The following GRIP1 variants were observed in gnomAD, a reference collection of about 807,000 sequenced individuals.
GRIP1 encodes glutamate receptor-interacting protein 1.
GRIP1 carries 45 observed loss-of-function variants against 129.9 expected under a neutral mutation model. That is an observed-to-expected ratio of 0.35 (90% CI 0.27 to 0.44). GRIP1 has a LOEUF of 0.44. GRIP1 is among the 20% of genes least tolerant of loss of function. The pLI, the probability that GRIP1 is intolerant of heterozygous loss-of-function variation, is 1.00. For missense variants in GRIP1, 1,196 were observed against 1,396.8 expected (o/e 0.86, Z 2.29); for synonymous variants, 530 against 520.8 (o/e 1.02, Z -0.24).
Position 66,706,064 on chromosome 12 carries a change from T to C in GRIP1, c.-419-75728A>G, listed in dbSNP as rs148984847. On this transcript the variant is annotated intron_variant, in intron 1 of 4. Coordinates refer to the GRIP1 transcript ENST00000538373. ...GCCAAAATTGGCAAGTGGGATCTAA[T>C]TAAACCAAAGAGCTTCTGCACAGCA... is the stretch of plus-strand genomic sequence containing the variant. 6.2e-4 allele frequency among the ~76,000 whole-genome samples: 94 copies of C among 152,248 alleles called. 1 individual carries two copies. The East Asian group carries it at 0.017, about 28-fold the overall frequency.
upstream of GRIP1, among the ~76,000 whole-genome samples, chr12:66,681,572 G>C (rs972396944): frequency 3.9e-5 from 6 of 152,164 alleles, no homozygotes; most frequent in African/African-American, 1.4e-4. Context: ...GTGTCTTTGG[G>C]ACCTGTCATG....
intron 23 of GRIP1, among the ~76,000 whole-genome samples, chr12:66,356,873 T>C (rs1211354059): frequency 6.6e-6 from 1 of 152,214 alleles, no homozygotes; most frequent in Non-Finnish European, 1.5e-5. Context: ...TATTTTTATT[T>C]TATTTTTAAT....
At chr12:66,864,453 C>T (rs536287104) in intron 1 of GRIP1, among the ~76,000 whole-genome samples, 7 of 152,042 alleles carry the variant, frequency 4.6e-5, no homozygotes, top group Non-Finnish European at 1.0e-4. Context: ...TGGTGGCTCA[C>T]ACCTGGAATC....
At chr12:66,796,384 G>A (rs1203951597) in intron 1 of GRIP1, among the ~76,000 whole-genome samples, 1 of 151,922 alleles carries the variant, frequency 6.6e-6, no homozygotes, top group East Asian at 1.9e-4. Context: ...TCCAGAAGAT[G>A]GCAAGGGAAG....
At chr12:67,063,055 T>C (rs1029160776) in intron 1 of GRIP1, among the ~76,000 whole-genome samples, 3 of 152,206 alleles carry the variant, frequency 2.0e-5, no homozygotes, top group Admixed American at 2.0e-4. Context: ...CCTCCATATT[T>C]GTTAATTTCA....
chr12:66,967,480 G>A (rs2042014612), intron 1 of GRIP1, among the ~76,000 whole-genome samples: 1 of 152,116 alleles, frequency 6.6e-6, no homozygotes, highest in African/African-American at 2.4e-5. Flanking sequence ...GCTACTGCTA[G>A]TATATGGCAA....
chr12:66,950,381 A>T (rs1459958371), intron 1 of GRIP1, among the ~76,000 whole-genome samples: 1 of 152,174 alleles, frequency 6.6e-6, no homozygotes, highest in African/African-American at 2.4e-5. Context: ...AGCCCCTCAA[A>T]AACATTGTTT....
intron 23 of GRIP1, among the ~76,000 whole-genome samples, chr12:66,359,614 G>C (rs1480485153): frequency 1.3e-5 from 2 of 152,218 alleles, no homozygotes; most frequent in African/African-American, 4.8e-5. Context: ...TTCAGGATGA[G>C]AGGCTAATAA....
rs1009410516 is a variant in GRIP1, at chr12:66,830,429, T to G, written c.59-233502A>C. ...AGAGGGTCAGAGACAGAGTGAGCCTTGAAGATGTTACACGCTGGCCTGCAG... is the reference window on the plus strand; with the variant it reads ...AGAGGGTCAGAGACAGAGTGAGCCTGGAAGATGTTACACGCTGGCCTGCAG... On this transcript the variant is annotated intron_variant, in intron 1 of 1. Coordinates refer to the GRIP1 transcript ENST00000643019. Among the ~76,000 whole-genome samples, 12 of 151,948 alleles carry G rather than the reference T, an allele frequency of 7.9e-5. No individual in the cohort carries two copies. The South Asian group carries it at 2.3e-3, about 29-fold the overall frequency.
At chr12:66,424,663 G>A (rs1241817267) in intron 14 of GRIP1, among the ~76,000 whole-genome samples, 5 of 152,086 alleles carry the variant, frequency 3.3e-5, no homozygotes, top group Non-Finnish European at 5.9e-5. Context: ...GCATCCAGAG[G>A]TAAGTCATAT....
intron 1 of GRIP1, among the ~76,000 whole-genome samples, chr12:66,632,798 C>T (rs1172518188): frequency 1.3e-5 from 2 of 152,100 alleles, no homozygotes; most frequent in African/African-American, 4.8e-5. Context: ...TTTAAAACCA[C>T]TGCTTAAGAA....
chr12:66,882,747 A>G (rs1248348627), intron 1 of GRIP1, among the ~76,000 whole-genome samples: 4 of 152,174 alleles, frequency 2.6e-5, no homozygotes, highest in Non-Finnish European at 5.9e-5. Flanking sequence ...TGCTTATTTC[A>G]TATTTTGCTT....
At chr12:66,553,613 G>A (rs564969378) in intron 2 of GRIP1, among the ~76,000 whole-genome samples, 31 of 151,248 alleles carry the variant, frequency 2.0e-4, no homozygotes, top group African/African-American at 6.6e-4. Flanking sequence ...TCAGGTGAGC[G>A]ATCACAGTAC....
chr12:66,854,412 T>C (rs2039967896), intron 1 of GRIP1, among the ~76,000 whole-genome samples: 1 of 151,878 alleles, frequency 6.6e-6, no homozygotes, highest in Admixed American at 6.6e-5. Flanking sequence ...TTGAGGAAAA[T>C]GAGAGCTTCT....
At chr12:67,014,688 C>T (rs2042758568) in intron 1 of GRIP1, among the ~76,000 whole-genome samples, 1 of 151,998 alleles carries the variant, frequency 6.6e-6, no homozygotes, top group Non-Finnish European at 1.5e-5. Context: ...AATACACATT[C>T]ACATGGTAAA....
intron 1 of GRIP1, among the ~76,000 whole-genome samples, chr12:66,656,031 A>G (rs6581711): frequency 0.95 from 144,663 of 152,254 alleles, 68,800 homozygotes; most frequent in African/African-American, 0.99. Context: ...TTGATTTGAC[A>G]CCTATAAATA....
At chr12:66,477,195 T>C (rs76991650) in intron 7 of GRIP1, among the ~76,000 whole-genome samples, 21,707 of 152,062 alleles carry the variant, frequency 0.14, 1,663 homozygotes, top group Non-Finnish European at 0.18. Flanking sequence ...GGATACAAAA[T>C]CAATGTGCAA....
intron 2 of GRIP1, among the ~76,000 whole-genome samples, chr12:66,551,763 G>A (rs902456255): frequency 6.6e-6 from 1 of 151,710 alleles, no homozygotes; most frequent in Non-Finnish European, 1.5e-5. Flanking sequence ...TGTTGTTGTT[G>A]TACAGATGGG....
At chr12:67,068,847 CA>C (rs2043679557) in intron 1 of GRIP1, among the ~76,000 whole-genome samples, 2 of 35,798 alleles carry the variant, frequency 5.6e-5, no homozygotes, top group African/African-American at 1.0e-4. Context: ...GCTGCCCTCT[CA>C]TCCCGCCCCC....
Sources: allele counts gnomAD v4.1 joint callset (sites outside exome capture counted in the v4.1 genomes callset), GRCh38; gene constraint gnomAD v4.1.1; transcripts MANE v1.5; gene names NCBI Gene and HGNC (gene_info 2026-07-23, HGNC 2026-07-21).